EYS: variants seen among roughly 807,000 people sequenced by gnomAD.
EYS encodes EGF-like photoreceptor maintenance factor.
A neutral mutation model predicts 282.1 loss-of-function variants in EYS; 250 were observed. The ratio of observed to expected loss-of-function variants is 0.89; its 90% CI spans 0.80 to 0.98. The LOEUF is 0.98. EYS is among the 50% of genes least tolerant of loss of function. The pLI is 0.00. For synonymous variants in EYS, 1,355 were observed against 1,282.9 expected, an observed-to-expected ratio of 1.06 and a Z score of -1.20; for missense variants, 4,016 against 3,709.0, an observed-to-expected ratio of 1.08 and a Z score of -2.15.
chr6:64,733,453 C>T, intron 22 of EYS: 1 of 189,516 alleles, frequency 5.3e-6, no homozygotes, highest in South Asian at 1.2e-4. Context: ...TTGGCCACCA[C>T]AATGATGCTG....
intron 28 of EYS, among the ~76,000 whole-genome samples, chr6:64,395,332 C>T (rs549400036): frequency 3.9e-5 from 6 of 152,086 alleles, no homozygotes; most frequent in African/African-American, 1.2e-4. Context: ...CGCATGCACA[C>T]GTATGTTTAT....
chr6:65,079,983 T>A (rs1208520230), intron 12 of EYS, among the ~76,000 whole-genome samples: 1 of 152,070 alleles, frequency 6.6e-6, no homozygotes, highest in Non-Finnish European at 1.5e-5. Flanking sequence ...TTTATTACTA[T>A]CATTAATTAA....
At chr6:63,897,670 G>A (rs1773567554) in intron 35 of EYS, among the ~76,000 whole-genome samples, 1 of 152,206 alleles carries the variant, frequency 6.6e-6, no homozygotes. Flanking sequence ...AAGTCACTAA[G>A]TTTGTGGTAA....
intron 36 of EYS, among the ~76,000 whole-genome samples, chr6:63,849,495 C>A (rs1772185920): frequency 6.6e-6 from 1 of 152,128 alleles, no homozygotes; most frequent in African/African-American, 2.4e-5. Flanking sequence ...AGAAGCTTTA[C>A]TATTCTGCAG....
intron 12 of EYS, among the ~76,000 whole-genome samples, chr6:65,201,837 G>A (rs761642446): frequency 1.3e-5 from 2 of 152,082 alleles, no homozygotes; most frequent in Admixed American, 6.6e-5. Context: ...GTGTGGTTGT[G>A]CACAGTATCT....
chr6:65,344,078 T>C lies in EYS; in HGVS notation c.1559A>G (p.Asn520Ser), dbSNP rs773074385. 1.9e-6 allele frequency: 3 copies of C among 1,610,474 alleles called. No individual in the cohort carries two copies. Among genetic ancestry groups the C allele is most frequent in the South Asian group, 2.2e-5 (2 of 90,996 alleles). ...DATYVNDPED[N>S]NSSCWFPHEG... ...ATGTGGGAACCAACATGAAGAATTA[T>C]TATCTTCAGGATCGTTCACATAGGT... Residue 520 changes from asparagine to serine, a missense_variant, in exon 10 of 43, where the codon AAT becomes AGT. Physicochemically the swap from Asn to Ser is conservative, Grantham distance 46. Transcript: ENST00000503581.
At chr6:64,505,109 G>C (rs568168363) in intron 26 of EYS, among the ~76,000 whole-genome samples, 2 of 152,176 alleles carry the variant, frequency 1.3e-5, no homozygotes, top group African/African-American at 4.8e-5. Flanking sequence ...TTATGAGGCT[G>C]CAAGAGTCTA....
chr6:64,237,247 G>T (rs576135250), intron 30 of EYS, among the ~76,000 whole-genome samples: 79 of 152,242 alleles, frequency 5.2e-4, no homozygotes, highest in African/African-American at 1.6e-3. Context: ...GTAGTTTTCT[G>T]AACTTGCCTA....
chr6:64,371,056 G>C (rs1180675739), intron 29 of EYS, among the ~76,000 whole-genome samples: 1 of 151,882 alleles, frequency 6.6e-6, no homozygotes, highest in African/African-American at 2.4e-5. Flanking sequence ...TCTTCTGCTA[G>C]CCTTGGGGTT....
At chr6:64,590,144 G>A in intron 26 of EYS, 79 bp downstream of exon 26, 1 of 1,280,834 alleles carries the variant, frequency 7.8e-7, no homozygotes, top group Non-Finnish European at 1.1e-6. Flanking sequence ...AGCACCCGGT[G>A]ACCATGACAG....
At chr6:64,345,382 T>G (rs1771343003) in intron 29 of EYS, among the ~76,000 whole-genome samples, 1 of 152,028 alleles carries the variant, frequency 6.6e-6, no homozygotes, top group African/African-American at 2.4e-5. Context: ...AACAGAGCCC[T>G]CAGAAATAAT....
chr6:64,662,795 T>A (rs1769089865), intron 22 of EYS, among the ~76,000 whole-genome samples: 1 of 152,198 alleles, frequency 6.6e-6, no homozygotes, highest in African/African-American at 2.4e-5. Context: ...TGTGTTTTAA[T>A]AAGGTTAAGT....
At chr6:65,203,981 A>T (rs1199551682) in intron 12 of EYS, among the ~76,000 whole-genome samples, 1 of 152,162 alleles carries the variant, frequency 6.6e-6, no homozygotes, top group Non-Finnish European at 1.5e-5. Context: ...CTTGAATACC[A>T]GTCTTTCAAA....
intron 33 of EYS, among the ~76,000 whole-genome samples, chr6:64,046,892 G>A (rs1353963493): frequency 2.6e-5 from 4 of 152,130 alleles, no homozygotes; most frequent in African/African-American, 7.2e-5. Context: ...TTTGAAGTTT[G>A]TAGGACAGAG....
intron 41 of EYS, among the ~76,000 whole-genome samples, chr6:63,727,721 A>AG (rs1561997493): frequency 4.5e-5 from 3 of 66,702 alleles, no homozygotes; most frequent in African/African-American, 3.3e-4. Context: ...AAAAAAAAAA[A>AG]AAAAAAAAAA....
At chr6:64,026,866 T>C (rs930303127) in intron 33 of EYS, among the ~76,000 whole-genome samples, 1 of 152,138 alleles carries the variant, frequency 6.6e-6, no homozygotes, top group Non-Finnish European at 1.5e-5. Context: ...ACATGTCCCC[T>C]TCTCCCTCTC....
intron 5 of EYS, among the ~76,000 whole-genome samples, chr6:65,422,441 A>T (rs1428608240): frequency 6.6e-6 from 1 of 151,910 alleles, no homozygotes; most frequent in African/African-American, 2.4e-5. Context: ...ATCCACTTTA[A>T]TACTGAAAAT....
chr6:64,391,533 T>G (rs1251214874), intron 28 of EYS, among the ~76,000 whole-genome samples: 1 of 152,022 alleles, frequency 6.6e-6, no homozygotes, highest in East Asian at 1.9e-4. Flanking sequence ...CTAAGCTTCA[T>G]AAGCGAAGGA....
At chr6:64,751,417 G>A (rs557604567) in intron 22 of EYS, among the ~76,000 whole-genome samples, 6 of 152,214 alleles carry the variant, frequency 3.9e-5, no homozygotes, top group South Asian at 2.1e-4. Flanking sequence ...CTCCACACCC[G>A]GGCACAAGTC....
Sources: allele counts gnomAD v4.1 joint callset (sites outside exome capture counted in the v4.1 genomes callset), GRCh38; gene constraint gnomAD v4.1.1; transcripts MANE v1.5; gene names NCBI Gene and HGNC (gene_info 2026-07-23, HGNC 2026-07-21).